The following PDE4D variants were observed in gnomAD, a reference collection of about 807,000 sequenced individuals.
The protein encoded by PDE4D is phosphodiesterase 4D.
In PDE4D, 24 loss-of-function variants were observed where a neutral mutation model predicts 87.4. The observed-to-expected ratio is 0.27, with a 90% CI of 0.20 to 0.39. The LOEUF is 0.39. Ranked by LOEUF, PDE4D falls within the 10% of genes least tolerant of loss-of-function variation. PDE4D has a pLI of 1.00. For missense variants in PDE4D, 714 were observed against 1,041.0 expected, an observed-to-expected ratio of 0.69 and a Z score of 4.32; for synonymous variants, 384 against 383.2, an observed-to-expected ratio of 1.00 and a Z score of -0.02.
chr5:59,480,367 T>C (rs2153655878), intron 1 of PDE4D, among the ~76,000 whole-genome samples: 1 of 152,218 alleles, frequency 6.6e-6, no homozygotes, highest in Admixed American at 6.5e-5. Flanking sequence ...TTCAAGAAGA[T>C]CATATTACAA....
At chr5:60,503,351 T>C (rs1750184195) in intron 1 of PDE4D, among the ~76,000 whole-genome samples, 1 of 152,196 alleles carries the variant, frequency 6.6e-6, no homozygotes, top group Non-Finnish European at 1.5e-5. Flanking sequence ...ATTGTCAATA[T>C]TTATTTGATA....
chr5:59,599,620 C>T (rs892484308), intron 1 of PDE4D, among the ~76,000 whole-genome samples: 1 of 152,118 alleles, frequency 6.6e-6, no homozygotes, highest in Non-Finnish European at 1.5e-5. Context: ...TCATGCTAAA[C>T]CATCATCTCA....
intron 6 of PDE4D, among the ~76,000 whole-genome samples, chr5:59,025,279 G>T (rs914776713): frequency 3.3e-5 from 5 of 151,774 alleles, no homozygotes; most frequent in Non-Finnish European, 7.4e-5. Context: ...CATTAATATT[G>T]CAGTTCATTT....
intron 1 of PDE4D, among the ~76,000 whole-genome samples, chr5:59,328,512 A>G (rs1561967135): frequency 6.6e-6 from 1 of 152,306 alleles, no homozygotes; most frequent in East Asian, 1.9e-4. Flanking sequence ...GAAGTGTCAC[A>G]AGTGTATGTT....
intron 1 of PDE4D, among the ~76,000 whole-genome samples, chr5:60,401,303 T>C (rs1025296326): frequency 1.3e-5 from 2 of 152,210 alleles, no homozygotes; most frequent in Non-Finnish European, 2.9e-5. Flanking sequence ...ATGGTTAGGC[T>C]TTTGATGACA....
chr5:60,453,432 C>A (rs1746242953), intron 1 of PDE4D, among the ~76,000 whole-genome samples: 2 of 152,046 alleles, frequency 1.3e-5, no homozygotes, highest in Admixed American at 6.6e-5. Context: ...AATGCTTCAA[C>A]AGAGACAACC....
intron 1 of PDE4D, among the ~76,000 whole-genome samples, chr5:59,775,651 G>A (rs1764005092): frequency 6.6e-6 from 1 of 152,116 alleles, no homozygotes; most frequent in Non-Finnish European, 1.5e-5. Flanking sequence ...GATCTTGGGT[G>A]GACCTTCAGA....
At chr5:60,467,988 C>A (rs955065863) in intron 1 of PDE4D, among the ~76,000 whole-genome samples, 1 of 152,076 alleles carries the variant, frequency 6.6e-6, no homozygotes, top group African/African-American at 2.4e-5. Flanking sequence ...GGGTGGGAAC[C>A]CAGAGCCAAA....
intron 1 of PDE4D, among the ~76,000 whole-genome samples, chr5:60,209,809 GT>G (rs1742978071): frequency 6.6e-6 from 1 of 152,020 alleles, no homozygotes; most frequent in Non-Finnish European, 1.5e-5. Context: ...AAATGGTTGT[GT>G]TTTTTAATTA....
chr5:59,288,495 TA>T (rs1305238536), intron 1 of PDE4D, among the ~76,000 whole-genome samples: 1 of 151,534 alleles, frequency 6.6e-6, no homozygotes, highest in Non-Finnish European at 1.5e-5. Flanking sequence ...TTATTGACCT[TA>T]AAAAAAAGTT....
intron 3 of PDE4D, among the ~76,000 whole-genome samples, chr5:59,964,468 A>C (rs1433965807): frequency 1.3e-5 from 2 of 152,124 alleles, no homozygotes; most frequent in Non-Finnish European, 2.9e-5. Context: ...TTCTTCACTC[A>C]GTGTTCTAAA....
At chr5:59,975,576 GC>G (rs753249877) in intron 3 of PDE4D, among the ~76,000 whole-genome samples, 14 of 152,054 alleles carry the variant, frequency 9.2e-5, no homozygotes, top group Non-Finnish European at 1.6e-4. Context: ...CAAATCCCTT[GC>G]CCTATTTTTC....
At chr5:59,303,285 A>T (rs1029926307) in intron 1 of PDE4D, among the ~76,000 whole-genome samples, 2 of 152,048 alleles carry the variant, frequency 1.3e-5, no homozygotes, top group Non-Finnish European at 2.9e-5. Context: ...GATTCTGGAT[A>T]CTACCCTTTG....
chr5:60,197,870 G>A lies in PDE4D; in HGVS notation c.-89-12183C>T, dbSNP rs1237543319. 7.3e-5 allele frequency among the ~76,000 whole-genome samples: 11 copies of A among 151,522 alleles called. 1 individual carries two copies. Among genetic ancestry groups the A allele is most frequent in the Non-Finnish European group, 1.0e-4 (7 of 67,766 alleles). On this transcript the variant is annotated intron_variant, in intron 1 of 16. Transcript: ENST00000502484. The stretch of plus-strand genomic sequence containing the variant: ...TCTTAGGAAGCAACAGCCCGTTAGC[G>A]CCCTTGCAAGGGAATGAGCCCACTG...
At chr5:59,291,996 CTT>C (rs1423889280) in intron 1 of PDE4D, among the ~76,000 whole-genome samples, 1 of 151,798 alleles carries the variant, frequency 6.6e-6, no homozygotes, top group East Asian at 1.9e-4. Flanking sequence ...AAAGTTGAGT[CTT>C]AAGTATGGTG....
chr5:59,590,693 GTTGTT>G (rs149059066), intron 1 of PDE4D, among the ~76,000 whole-genome samples: 1,657 of 152,092 alleles, frequency 0.011, 16 homozygotes, highest in East Asian at 0.043. Context: ...AGACTGGTTT[GTTGTT>G]TTGTTTTGTG....
chr5:60,504,911 C>T (rs1583952372), intron 1 of PDE4D, among the ~76,000 whole-genome samples: 1 of 152,136 alleles, frequency 6.6e-6, no homozygotes, highest in Non-Finnish European at 1.5e-5. Flanking sequence ...CTATCCTCCC[C>T]CAACAAAAGC....
intron 1 of PDE4D, among the ~76,000 whole-genome samples, chr5:59,872,262 T>TACACACACACACACAC (rs71606610): frequency 7.6e-6 from 1 of 131,750 alleles, no homozygotes; most frequent in Non-Finnish European, 1.6e-5. Flanking sequence ...ACAGAAGAGT[T>TACACACACACACACAC]ACACACACAC....
chr5:59,050,135 C>T (rs554972291), intron 5 of PDE4D, among the ~76,000 whole-genome samples: 237 of 152,224 alleles, frequency 1.6e-3, no homozygotes, highest in African/African-American at 5.4e-3. Flanking sequence ...CGCATGGTGG[C>T]GGGTGCCTGT....
Sources: allele counts gnomAD v4.1 joint callset (sites outside exome capture counted in the v4.1 genomes callset), GRCh38; gene constraint gnomAD v4.1.1; transcripts MANE v1.5; gene names NCBI Gene and HGNC (gene_info 2026-07-23, HGNC 2026-07-21).